UTP15: variants seen among roughly 807,000 people sequenced by gnomAD.
The protein encoded by UTP15 is UTP15 small subunit processome component, also known as U3 small nucleolar RNA-associated protein 15 homolog.
In UTP15, 5 loss-of-function variants were observed where a neutral mutation model predicts 59.1. That is an observed-to-expected ratio of 0.08 (90% CI 0.04 to 0.18). The LOEUF is 0.18. Among genes scored for constraint, UTP15 ranks in the 10% least tolerant of loss-of-function variants. The pLI, the probability that UTP15 is intolerant of heterozygous loss-of-function variation, is 1.00. For missense variants in UTP15, 494 were observed against 616.7 expected (o/e 0.80, Z 2.11); for synonymous variants, 211 against 212.2 (o/e 0.99, Z 0.05).
At chr5:73,579,494 AT>A (rs1748231951) in intron 12 of UTP15, 119 bp downstream of exon 12, 1 of 798,132 alleles carries the variant, frequency 1.3e-6, no homozygotes, top group Admixed American at 3.0e-5. Flanking sequence ...CTCAATATGG[AT>A]TTTCATGGAG....
chr5:73,571,504 A>G (rs914555764), intron 6 of UTP15, among the ~76,000 whole-genome samples: 4 of 152,084 alleles, frequency 2.6e-5, no homozygotes, highest in African/African-American at 9.7e-5. Flanking sequence ...TTCATATTAG[A>G]AGAATGTATA....
chr5:73,577,902 G>A lies in UTP15; in HGVS notation c.941G>A (p.Ser314Asn). 6.3e-7 allele frequency: 1 copy of A among 1,593,534 alleles called. No homozygotes were observed. Among genetic ancestry groups the A allele is most frequent in the Non-Finnish European group, 8.5e-7 (1 of 1,173,466 alleles). The change falls in exon 9 of 13, where the codon AGT becomes AAT. Residue 314 changes from serine (S) to asparagine (N), a missense_variant. Physicochemically the swap from Ser to Asn is conservative, Grantham distance 46 (BLOSUM62 1). Coordinates refer to ENST00000296792, the MANE Select transcript of UTP15 (RefSeq NM_032175.4). ...GTAGGAATGACCAATGGAATACTGA[G>A]TGTTAAACATCGGAAATCTGAAGCA... ...IVVGMTNGIL[S>N]VKHRKSEAKK...
intron 2 of UTP15, 130 bp downstream of exon 2, chr5:73,567,564 G>A: frequency 1.6e-6 from 1 of 611,240 alleles, no homozygotes; most frequent in Admixed American, 3.5e-5. Flanking sequence ...TATAGTTTGG[G>A]CAGATAATTT....
rs1379075048 is a variant in UTP15 at position 73,582,558 on chromosome 5, A to G, written c.*2464A>G. Reference sequence around the variant, plus strand: ...AGCCACCATGCCCAGCTAATTTTTTATTTTGATTTTTTGAGATAAGAGGTC... The same window carrying G: ...AGCCACCATGCCCAGCTAATTTTTTGTTTTGATTTTTTGAGATAAGAGGTC... On this transcript the variant is annotated 3_prime_UTR_variant, in exon 13 of 13. Coordinates refer to ENST00000296792, the MANE Select transcript of UTP15 (RefSeq NM_032175.4). The G allele has an allele frequency of 6.6e-6, 1 of 151,594 alleles. No homozygotes were observed. The highest frequency in any genetic ancestry group is 1.5e-5 in the Non-Finnish European group (1 of 67,926). The allele number at this position is 151,594 out of a possible 1,614,324, so 9.4% of individuals were successfully genotyped here. A position where few individuals can be genotyped will look rare whatever the true frequency, so the allele number is the denominator to read the frequency against.
intron 7 of UTP15, among the ~76,000 whole-genome samples, chr5:73,574,575 C>T (rs1458816181): frequency 1.3e-5 from 2 of 151,876 alleles, no homozygotes; most frequent in Admixed American, 6.6e-5. Context: ...GCAACCTCCA[C>T]CTCCTGGCTT....
chr5:73,571,050 G>A (rs946920864), intron 6 of UTP15, among the ~76,000 whole-genome samples: 9 of 152,096 alleles, frequency 5.9e-5, no homozygotes, highest in Non-Finnish European at 2.9e-5. Flanking sequence ...AGAGCTCTGT[G>A]TATTTAGCCC....
In UTP15 at chr5:73,580,030, A is replaced by G; in HGVS notation, c.1493A>G (p.Glu498Gly). 1 of 1,613,926 alleles carries G rather than the reference A, an allele frequency of 6.2e-7. No homozygotes were observed. Among genetic ancestry groups the G allele is most frequent in the South Asian group, 1.1e-5 (1 of 91,080 alleles). ...DMLFATMRRKEGTSVLEHTSD... is the reference protein window; with the variant it reads ...DMLFATMRRKGGTSVLEHTSD... ...CTTTTTGCCACCATGAGAAGGAAGG[A>G]AGGCACTTCTGTGTTGGAACACACA... The change falls in exon 13 of 13, where the codon GAA becomes GGA. Residue 498 changes from glutamate (E) to glycine (G), a missense_variant. By Grantham distance (98) the Glu-to-Gly change is moderately conservative (BLOSUM62 -2). Transcript: ENST00000296792.
chr5:73,578,180 C>T, intron 9 of UTP15, 175 bp downstream of exon 9: 3 of 591,210 alleles, frequency 5.1e-6, no homozygotes, highest in Non-Finnish European at 2.9e-6. Context: ...TAATGGGGAA[C>T]AAGGACTACT....
rs1342256068 is a variant in UTP15 at position 73,581,610 on chromosome 5, T to TTTTTTTTTGTTTTTTG, written c.*1531_*1532insGTTTTTTTTGTTTTTT. The TTTTTTTTTGTTTTTTG allele has an allele frequency of 1.3e-5, 2 of 151,212 alleles. No homozygotes were observed. Among genetic ancestry groups the TTTTTTTTTGTTTTTTG allele is most frequent in the Non-Finnish European group, 2.9e-5 (2 of 67,810 alleles). The allele number at this position is 151,212 out of a possible 1,614,324, so 9.4% of individuals were successfully genotyped here. A position where few individuals can be genotyped will look rare whatever the true frequency, so the allele number is the denominator to read the frequency against. ...TAATTTTAGTTCTGTAAATTCAGGG[T>TTTTTTTTTGTTTTTTG]TTTTTTTTGTTTTTTTGTTTTTTTT... On this transcript the variant is annotated 3_prime_UTR_variant, in exon 13 of 13. Coordinates refer to ENST00000296792, the MANE Select transcript of UTP15 (RefSeq NM_032175.4).
Position 73,578,822 on chromosome 5 carries a change from G to T in UTP15, c.1116G>T (p.Arg372=). Residue 372 remains arginine (R), a synonymous_variant, in exon 10 of 13, where the codon CGG becomes CGT. Coordinates refer to ENST00000296792, the MANE Select transcript of UTP15 (RefSeq NM_032175.4). ...ATGACAGGGATCTGAAACATTTTCG[G>T]ATCTCTAAGGCACTCGATAGAGTTC... is the stretch of plus-strand genomic sequence containing the variant. ...ELYDRDLKHF[R]ISKALDRVLD... 1 of 1,608,400 alleles carries T rather than the reference G, an allele frequency of 6.2e-7. No homozygotes were observed. The highest frequency in any genetic ancestry group is 8.5e-7 in the Non-Finnish European group (1 of 1,175,600).
intron 12 of UTP15, 117 bp from the exon 13 acceptor site, chr5:73,579,756 ATAAG>A: frequency 1.9e-6 from 1 of 529,814 alleles, no homozygotes; most frequent in South Asian, 3.7e-5. Flanking sequence ...TAATTATAAA[ATAAG>A]TACAGATTTT....
At chr5:73,576,243 T>C (rs1748088430) in intron 7 of UTP15, among the ~76,000 whole-genome samples, 1 of 151,410 alleles carries the variant, frequency 6.6e-6, no homozygotes, top group Admixed American at 6.6e-5. Flanking sequence ...TAGCTGGGAT[T>C]ACAGGTGTGT....
Position 73,578,840 on chromosome 5 carries a change from T to A in UTP15, c.1134T>A (p.Asp378Glu), listed in dbSNP as rs1472069195. Residue 378 changes from aspartate (D) to glutamate (E), a missense_variant, in exon 10 of 13, where the codon GAT becomes GAA. Transcript: ENST00000296792. ...LKHFRISKAL[D>E]RVLDPTCTIK... ...ATTTTCGGATCTCTAAGGCACTCGA[T>A]AGAGTTCTTGATGTGAGTGAGCATT... 4 of 1,606,450 alleles carry A rather than the reference T, an allele frequency of 2.5e-6. No individual in the cohort carries two copies. The highest frequency in any genetic ancestry group is 1.3e-5 in the African/African-American group (1 of 74,724).
At position 73,582,046 on chromosome 5, in the gene UTP15, T is replaced by C. The variant is rs938858163; in HGVS notation, c.*1952T>C. ...TAGAAGTTGAAATTCTACCTAAAGCTGTAGTTGCCGTCAATTGTGTAACAT... is the reference window on the plus strand; with the variant it reads ...TAGAAGTTGAAATTCTACCTAAAGCCGTAGTTGCCGTCAATTGTGTAACAT... On this transcript the variant is annotated 3_prime_UTR_variant, in exon 13 of 13. Coordinates refer to ENST00000296792, the MANE Select transcript of UTP15 (RefSeq NM_032175.4). The C allele has an allele frequency of 2.0e-5, 3 of 152,226 alleles. No homozygotes were observed. Among genetic ancestry groups the C allele is most frequent in the Admixed American group, 6.5e-5 (1 of 15,278 alleles). The allele number at this position is 152,226 out of a possible 1,614,324, so 9.4% of individuals were successfully genotyped here.
At chr5:73,569,875 C>G (rs1370414563) in intron 5 of UTP15, among the ~76,000 whole-genome samples, 200 bp downstream of exon 5, 2 of 152,162 alleles carry the variant, frequency 1.3e-5, no homozygotes, top group Non-Finnish European at 2.9e-5. Flanking sequence ...CTCTGTTGCC[C>G]AGGCTGGAGT....
rs937783658 is a variant in UTP15 at position 73,565,784 on chromosome 5, C to T, written c.-212C>T. The stretch of plus-strand genomic sequence containing the variant: ...ACGTTCGGTTCGCTGTGTGTGTCGC[C>T]GGCTCCTTGAGGGTCCATGTGATTT... On this transcript the variant is annotated 5_prime_UTR_variant, in exon 1 of 13. Coordinates refer to ENST00000296792, the MANE Select transcript of UTP15 (RefSeq NM_032175.4). 7 of 456,126 alleles carry T rather than the reference C, an allele frequency of 1.5e-5. No homozygotes were observed. In the East Asian group the frequency reaches 2.8e-4, roughly 18 times the overall value. 28.3% of individuals were successfully genotyped at this position (456,126 alleles called of 1,614,324 possible).
intron 5 of UTP15, among the ~76,000 whole-genome samples, chr5:73,569,885 T>C (rs1419080933): frequency 1.3e-5 from 2 of 152,172 alleles, no homozygotes; most frequent in Non-Finnish European, 2.9e-5. Context: ...CAGGCTGGAG[T>C]GCAGTGATGT....
intron 7 of UTP15, among the ~76,000 whole-genome samples, chr5:73,574,490 A>T (rs1748029551): frequency 3.7e-5 from 5 of 134,354 alleles, no homozygotes; most frequent in Admixed American, 3.5e-4. Flanking sequence ...ATTTATTATT[A>T]ATTTTTTTTT....
In UTP15 at chr5:73,568,494, T is replaced by A. The variant is rs377650684; in HGVS notation, c.258T>A (p.Ala86=). The A allele has an allele frequency of 1.5e-5, 24 of 1,614,074 alleles. No homozygotes were observed. Among genetic ancestry groups the A allele is most frequent in the Non-Finnish European group, 1.8e-5 (21 of 1,180,008 alleles). ...FSRFKDTAYC[A]TFRQDGRLLV... ...GATTTAAAGACACAGCATACTGTGC[T>A]ACTTTTCGACAAGATGGTAGATTGC... The change falls in exon 4 of 13, where the codon GCT becomes GCA. Residue 86 remains alanine (A), a synonymous_variant. Coordinates refer to ENST00000296792, the MANE Select transcript of UTP15 (RefSeq NM_032175.4).
Sources: gnomAD v4.1 joint callset for allele counts (sites outside exome capture counted in the v4.1 genomes callset) on GRCh38, gnomAD v4.1.1 for gene constraint, MANE v1.5 for transcripts, NCBI Gene and HGNC (gene_info 2026-07-23, HGNC 2026-07-21) for gene names.